Variants in CDH13 observed in about 807,000 individuals in gnomAD.
The protein encoded by CDH13 is cadherin 13, also known as cadherin-13.
A neutral mutation model predicts 63.8 loss-of-function variants in CDH13; 24 were observed. The ratio of observed to expected loss-of-function variants is 0.38; its 90% CI spans 0.27 to 0.53. The LOEUF (loss-of-function observed/expected upper bound fraction) is 0.53, where lower values mean the gene tolerates loss of function less well. Ranked by LOEUF, CDH13 falls within the 20% of genes least tolerant of loss-of-function variation. CDH13 has a pLI of 0.85. For synonymous variants in CDH13, 503 were observed against 355.3 expected (o/e 1.42, Z -4.67); for missense variants, 1,049 against 903.1 (o/e 1.16, Z -2.07).
chr16:83,664,578 C>A (rs1474018693), intron 8 of CDH13, among the ~76,000 whole-genome samples: 1 of 150,970 alleles, frequency 6.6e-6, no homozygotes, highest in African/African-American at 2.4e-5. Context: ...ATAGTGCACA[C>A]AAACATGATG....
At chr16:83,042,013 A>G (rs991389686) in intron 3 of CDH13, among the ~76,000 whole-genome samples, 2 of 152,162 alleles carry the variant, frequency 1.3e-5, no homozygotes, top group African/African-American at 4.8e-5. Context: ...ACTTTTGCAC[A>G]TTTGTTACTG....
chr16:83,427,959 C>T (rs1021344539), intron 6 of CDH13, among the ~76,000 whole-genome samples: 5 of 152,180 alleles, frequency 3.3e-5, no homozygotes, highest in African/African-American at 1.2e-4. Context: ...TTGTGAATGG[C>T]GACAGAAAAG....
At chr16:83,198,673 A>G (rs1211611030) in intron 4 of CDH13, among the ~76,000 whole-genome samples, 1 of 152,180 alleles carries the variant, frequency 6.6e-6, no homozygotes, top group African/African-American at 2.4e-5. Flanking sequence ...TAATTTCAGG[A>G]ACCCAGAGTG....
chr16:83,657,740 C>A (rs34664380), intron 8 of CDH13, among the ~76,000 whole-genome samples: 2 of 152,166 alleles, frequency 1.3e-5, no homozygotes, highest in African/African-American at 4.8e-5. Context: ...TTAGCAATAT[C>A]TGTGAACTCC....
intron 2 of CDH13, among the ~76,000 whole-genome samples, chr16:82,914,970 C>G (rs897200312): frequency 2.0e-5 from 3 of 152,242 alleles, no homozygotes; most frequent in African/African-American, 7.2e-5. Flanking sequence ...CTCCTCCACA[C>G]TTAACAGGGA....
chr16:83,275,206 AGCTGGGAAAGGAGAGAT>A (rs2088949282), intron 5 of CDH13, among the ~76,000 whole-genome samples: 1 of 152,230 alleles, frequency 6.6e-6, no homozygotes, highest in African/African-American at 2.4e-5. Context: ...GGCCTTAAGC[AGCTGGGAAAGGAGAGAT>A]GCTGGGCCAC....
chr16:83,235,143 T>G (rs2151807876), intron 5 of CDH13, among the ~76,000 whole-genome samples: 1 of 152,310 alleles, frequency 6.6e-6, no homozygotes, highest in Middle Eastern at 3.4e-3. Flanking sequence ...AGTTCAAGGC[T>G]GCGGTGAACT....
chr16:83,091,851 A>C (rs2033928587), intron 3 of CDH13, among the ~76,000 whole-genome samples: 1 of 152,212 alleles, frequency 6.6e-6, no homozygotes, highest in South Asian at 2.1e-4. Context: ...GATCTAGAAA[A>C]AGAAATCTTT....
At chr16:83,751,159 C>T (rs896202889) in intron 11 of CDH13, among the ~76,000 whole-genome samples, 3 of 152,136 alleles carry the variant, frequency 2.0e-5, no homozygotes, top group African/African-American at 7.2e-5. Context: ...ATGCCCAGCA[C>T]CTACCATGGT....
chr16:83,292,162 G>T (rs968266143), intron 5 of CDH13, among the ~76,000 whole-genome samples: 1 of 152,146 alleles, frequency 6.6e-6, no homozygotes, highest in Non-Finnish European at 1.5e-5. Context: ...TAACAACTTG[G>T]TATCTGTCAA....
At chr16:83,108,541 A>G (rs1381035081) in intron 3 of CDH13, among the ~76,000 whole-genome samples, 3 of 152,188 alleles carry the variant, frequency 2.0e-5, no homozygotes, top group African/African-American at 7.2e-5. Flanking sequence ...TCCCCACTGC[A>G]AAGGGCACAA....
At chr16:83,139,277 C>A (rs937851559) in intron 4 of CDH13, among the ~76,000 whole-genome samples, 13 of 152,200 alleles carry the variant, frequency 8.5e-5, no homozygotes, top group Non-Finnish European at 1.9e-4. Flanking sequence ...TTCCCAGTGT[C>A]CCTGACTCAT....
At chr16:82,771,466 A>T (rs2035261001) in intron 1 of CDH13, among the ~76,000 whole-genome samples, 1 of 152,168 alleles carries the variant, frequency 6.6e-6, no homozygotes, top group Admixed American at 6.5e-5. Flanking sequence ...AAGGGCAATT[A>T]ATCTATTCTG....
chr16:83,170,341 C>T (rs1035938635), intron 4 of CDH13, among the ~76,000 whole-genome samples: 15 of 152,112 alleles, frequency 9.9e-5, no homozygotes, highest in African/African-American at 3.4e-4. Context: ...TCTGGATGTA[C>T]AAGGTCAGGG....
At chr16:83,090,384 A>G (rs12927276) in intron 3 of CDH13, among the ~76,000 whole-genome samples, 78,472 of 151,428 alleles carry the variant, frequency 0.52, 20,571 homozygotes, top group Middle Eastern at 0.61. Flanking sequence ...GACCAGCCCG[A>G]CCAATATGGT....
intron 1 of CDH13, among the ~76,000 whole-genome samples, chr16:82,852,335 G>T (rs981169037): frequency 6.6e-6 from 1 of 152,172 alleles, no homozygotes; most frequent in South Asian, 2.1e-4. Context: ...TTTGCACAGC[G>T]TTCCGTGGAT....
At chr16:83,703,396 T>C (rs1239456515) in intron 10 of CDH13, among the ~76,000 whole-genome samples, 1 of 152,146 alleles carries the variant, frequency 6.6e-6, no homozygotes, top group Admixed American at 6.5e-5. Flanking sequence ...TGTCCAACAA[T>C]AGGAGGCTGG....
intron 6 of CDH13, among the ~76,000 whole-genome samples, chr16:83,414,991 AAAGAT>A (rs1241182102): frequency 2.0e-5 from 3 of 152,132 alleles, no homozygotes; most frequent in Admixed American, 6.6e-5. Context: ...GGTTTTTTGA[AAAGAT>A]AAGCAAAATT....
intron 2 of CDH13, among the ~76,000 whole-genome samples, chr16:82,877,255 C>G (rs1028057361): frequency 6.6e-6 from 1 of 152,168 alleles, no homozygotes. Flanking sequence ...ATAAGTCTGA[C>G]AAGTAGGTTA....
Sources: allele counts gnomAD v4.1 joint callset (sites outside exome capture counted in the v4.1 genomes callset), GRCh38; gene constraint gnomAD v4.1.1; transcripts MANE v1.5; gene names NCBI Gene and HGNC (gene_info 2026-07-23, HGNC 2026-07-21).